Variants in KCNIP4 observed in about 807,000 individuals in gnomAD.
The protein encoded by KCNIP4 is potassium voltage-gated channel interacting protein 4.
A neutral mutation model predicts 34.0 loss-of-function variants in KCNIP4; 12 were observed. The observed-to-expected ratio is 0.35, with a 90% CI of 0.23 to 0.57. The LOEUF (loss-of-function observed/expected upper bound fraction) is 0.57. Ranked by LOEUF, KCNIP4 falls within the 20% of genes least tolerant of loss-of-function variation. The pLI is 0.83. For missense variants in KCNIP4, 238 were observed against 311.7 expected (o/e 0.76, Z 1.78); for synonymous variants, 124 against 102.2 (o/e 1.21, Z -1.29).
intron 1 of KCNIP4, among the ~76,000 whole-genome samples, chr4:21,620,473 T>C (rs1744927776): frequency 6.6e-6 from 1 of 151,972 alleles, no homozygotes; most frequent in African/African-American, 2.4e-5. Flanking sequence ...GTCTGGGTAA[T>C]AGAGCAAGAT....
At chr4:21,755,546 G>A (rs909480519) in intron 1 of KCNIP4, among the ~76,000 whole-genome samples, 5 of 152,244 alleles carry the variant, frequency 3.3e-5, no homozygotes, top group South Asian at 4.1e-4. Flanking sequence ...TAATCCCAGG[G>A]AAGATGTATT....
At chr4:21,659,247 G>T (rs553991803) in intron 1 of KCNIP4, among the ~76,000 whole-genome samples, 24 of 152,182 alleles carry the variant, frequency 1.6e-4, no homozygotes, top group African/African-American at 5.3e-4. Context: ...ATTAGATCTA[G>T]TGAAGTTAAA....
intron 1 of KCNIP4, among the ~76,000 whole-genome samples, chr4:21,072,579 C>T (rs1177971974): frequency 1.3e-5 from 2 of 151,792 alleles, no homozygotes; most frequent in African/African-American, 4.8e-5. Flanking sequence ...CAAAAATTTT[C>T]TCCCATTCTA....
chr4:21,740,458 A>T (rs1412086649), intron 1 of KCNIP4, among the ~76,000 whole-genome samples: 2 of 151,828 alleles, frequency 1.3e-5, no homozygotes. Flanking sequence ...ATAATTATTA[A>T]TCATATCACA....
intron 1 of KCNIP4, among the ~76,000 whole-genome samples, chr4:21,766,490 A>G (rs1577960725): frequency 1.3e-5 from 2 of 152,132 alleles, no homozygotes. Flanking sequence ...CTTAAAATAA[A>G]TGTTTCCCAG....
chr4:21,302,079 A>T (rs1410497943), intron 1 of KCNIP4, among the ~76,000 whole-genome samples: 1 of 152,204 alleles, frequency 6.6e-6, no homozygotes, highest in African/African-American at 2.4e-5. Flanking sequence ...TTAGTCCAAG[A>T]TTGTCCTGGA....
chr4:21,005,986 A>C (rs968163006), intron 1 of KCNIP4, among the ~76,000 whole-genome samples: 2 of 152,192 alleles, frequency 1.3e-5, no homozygotes, highest in African/African-American at 4.8e-5. Context: ...TCATGCCCTT[A>C]AAAGTATTTA....
chr4:20,945,763 G>A (rs1484066196), intron 1 of KCNIP4, among the ~76,000 whole-genome samples: 3 of 152,122 alleles, frequency 2.0e-5, no homozygotes, highest in Non-Finnish European at 2.9e-5. Context: ...GGGACTCCCC[G>A]ACATGTTTCC....
intron 1 of KCNIP4, among the ~76,000 whole-genome samples, chr4:21,507,301 G>C (rs1479423840): frequency 3.3e-5 from 5 of 150,666 alleles, no homozygotes; most frequent in African/African-American, 1.2e-4. Context: ...GTCTCACTCT[G>C]TTTCCCAGGC....
intron 1 of KCNIP4, among the ~76,000 whole-genome samples, chr4:21,733,745 T>C (rs1026131546): frequency 6.6e-6 from 1 of 152,112 alleles, no homozygotes; most frequent in Non-Finnish European, 1.5e-5. Context: ...GTGGGGAGGA[T>C]AACTTCCCCA....
chr4:21,074,603 G>C (rs1262710723), intron 1 of KCNIP4, among the ~76,000 whole-genome samples: 1 of 152,068 alleles, frequency 6.6e-6, no homozygotes, highest in African/African-American at 2.4e-5. Flanking sequence ...TGGAGTCATT[G>C]ATTTTTTGAA....
chr4:21,667,262 C>T (rs909072786), intron 1 of KCNIP4, among the ~76,000 whole-genome samples: 13 of 152,158 alleles, frequency 8.5e-5, no homozygotes, highest in Admixed American at 6.5e-4. Context: ...TTCTCCTTTT[C>T]CCATTTGTCT....
At chr4:21,045,502 C>CAAATAAGTAAATTTA (rs1230415467) in intron 1 of KCNIP4, among the ~76,000 whole-genome samples, 6 of 152,156 alleles carry the variant, frequency 3.9e-5, no homozygotes, top group Non-Finnish European at 8.8e-5. Context: ...TTTACTCAAG[C>CAAATAAGTAAATTTA]CTTATTCCCA....
intron 1 of KCNIP4, among the ~76,000 whole-genome samples, chr4:21,372,741 A>AG (rs1165005708): frequency 6.8e-6 from 1 of 146,648 alleles, no homozygotes; most frequent in African/African-American, 2.7e-5. Flanking sequence ...CAAAATTACT[A>AG]CAAGGAATAT....
intron 1 of KCNIP4, among the ~76,000 whole-genome samples, chr4:21,279,231 G>C (rs1403104604): frequency 6.6e-6 from 1 of 152,120 alleles, no homozygotes; most frequent in Non-Finnish European, 1.5e-5. Context: ...CAAGGAAATT[G>C]CATCTATGAA....
intron 1 of KCNIP4, among the ~76,000 whole-genome samples, chr4:21,803,273 T>C (rs1162165324): frequency 6.6e-6 from 1 of 152,190 alleles, no homozygotes; most frequent in Non-Finnish European, 1.5e-5. Flanking sequence ...TTATTTATTT[T>C]AGCTATAAAA....
At chr4:21,788,834 G>T (rs1170643445) in intron 1 of KCNIP4, among the ~76,000 whole-genome samples, 1 of 152,044 alleles carries the variant, frequency 6.6e-6, no homozygotes, top group African/African-American at 2.4e-5. Flanking sequence ...CACCACTTTG[G>T]GAGGCTGAGG....
Position 21,443,601 on chromosome 4 carries a change from AG to A in KCNIP4, c.61+504969del, listed in dbSNP as rs1360460540. Among the ~76,000 whole-genome samples, 3 of 152,322 alleles carry A rather than the reference AG, an allele frequency of 2.0e-5. No homozygotes were observed. The East Asian group carries it at 5.8e-4, about 29-fold the overall frequency. On this transcript the variant is annotated intron_variant, in intron 1 of 8. Transcript: ENST00000382152. The stretch of plus-strand genomic sequence containing the variant: ...GGAATTCTCCTCAAGACTACAACCT[AG>A]AAACCTTGCCTGAGTTTGCGGCCTG...
intron 1 of KCNIP4, among the ~76,000 whole-genome samples, chr4:21,436,932 C>T (rs1186717969): frequency 2.0e-5 from 3 of 152,168 alleles, no homozygotes; most frequent in Non-Finnish European, 2.9e-5. Flanking sequence ...ACTGTGCCAT[C>T]GTTTTACAAA....
Sources: gnomAD v4.1 joint callset for allele counts (sites outside exome capture counted in the v4.1 genomes callset) on GRCh38, gnomAD v4.1.1 for gene constraint, MANE v1.5 for transcripts, NCBI Gene and HGNC (gene_info 2026-07-23, HGNC 2026-07-21) for gene names.